NLGN1: variants seen among roughly 807,000 people sequenced by gnomAD.
NLGN1 encodes neuroligin 1, also known as neuroligin-1.
In NLGN1, 12 loss-of-function variants were observed where a neutral mutation model predicts 65.5. That is an observed-to-expected ratio of 0.18 (90% CI 0.12 to 0.30). The LOEUF (loss-of-function observed/expected upper bound fraction) is 0.30. NLGN1 is among the 10% of genes least tolerant of loss of function. NLGN1 has a pLI of 1.00. For synonymous variants in NLGN1, 350 were observed against 359.5 expected, an observed-to-expected ratio of 0.97 and a Z score of 0.30; for missense variants, 750 against 1,007.1, an observed-to-expected ratio of 0.74 and a Z score of 3.46.
At chr3:173,962,238 G>A (rs1266379290) in intron 4 of NLGN1, among the ~76,000 whole-genome samples, 1 of 152,064 alleles carries the variant, frequency 6.6e-6, no homozygotes, top group Non-Finnish European at 1.5e-5. Flanking sequence ...AGCTTAGCCT[G>A]CATATTAGGT....
intron 2 of NLGN1, among the ~76,000 whole-genome samples, chr3:173,595,014 C>A (rs1456571998): frequency 1.3e-5 from 2 of 152,184 alleles, no homozygotes; most frequent in Admixed American, 6.5e-5. Flanking sequence ...GCCTCCAAGC[C>A]TGTGATGGGA....
chr3:174,087,637 G>A (rs1399023494), intron 4 of NLGN1, among the ~76,000 whole-genome samples: 1 of 152,038 alleles, frequency 6.6e-6, no homozygotes, highest in East Asian at 1.9e-4. Context: ...TCATGACTGT[G>A]TATCCTGGCC....
At chr3:173,670,645 G>A (rs906477611) in intron 3 of NLGN1, among the ~76,000 whole-genome samples, 3 of 152,080 alleles carry the variant, frequency 2.0e-5, no homozygotes, top group Non-Finnish European at 2.9e-5. Context: ...TTGAACTAAT[G>A]CGTGGTTCAG....
intron 4 of NLGN1, among the ~76,000 whole-genome samples, chr3:174,011,103 AG>A (rs2152441181): frequency 6.6e-6 from 1 of 152,230 alleles, no homozygotes; most frequent in East Asian, 1.9e-4. Context: ...GATAAAGTAA[AG>A]GTAACTGTTT....
At chr3:173,869,815 C>T (rs979264588) in intron 4 of NLGN1, among the ~76,000 whole-genome samples, 3 of 152,134 alleles carry the variant, frequency 2.0e-5, no homozygotes, top group Non-Finnish European at 2.9e-5. Flanking sequence ...AATTCATTGT[C>T]TCTTTGACTG....
At chr3:173,449,189 T>C (rs1258556233) in intron 2 of NLGN1, among the ~76,000 whole-genome samples, 2 of 152,152 alleles carry the variant, frequency 1.3e-5, no homozygotes, top group Non-Finnish European at 2.9e-5. Context: ...TGCTTTCTCT[T>C]GTGGGCATTT....
intron 4 of NLGN1, among the ~76,000 whole-genome samples, chr3:174,126,257 T>C (rs1718919742): frequency 6.6e-6 from 1 of 152,138 alleles, no homozygotes; most frequent in Non-Finnish European, 1.5e-5. Flanking sequence ...TATTTTCTTA[T>C]TGCTTTATGT....
At chr3:173,930,905 T>C (rs183520195) in intron 4 of NLGN1, among the ~76,000 whole-genome samples, 1 of 152,212 alleles carries the variant, frequency 6.6e-6, no homozygotes, top group Admixed American at 6.5e-5. Context: ...AGCTCTCTGA[T>C]GTTGTTTCTT....
In NLGN1 at chr3:173,649,964, C is replaced by A. The variant is rs192416418; in HGVS notation, c.493+44873C>A. ...TCTTTTCACTTACCATTTCCATTTACCTCATAAAAGGATACTATATTCTTA... is the reference window on the plus strand; with the variant it reads ...TCTTTTCACTTACCATTTCCATTTAACTCATAAAAGGATACTATATTCTTA... On this transcript the variant is annotated intron_variant, in intron 3 of 6. Coordinates refer to ENST00000457714, the Ensembl canonical transcript of NLGN1. Among the ~76,000 whole-genome samples, 132 of 152,084 alleles carry A rather than the reference C, an allele frequency of 8.7e-4. 1 individual carries two copies. Among genetic ancestry groups the A allele is most frequent in the Non-Finnish European group, 1.6e-3 (111 of 67,912 alleles).
intron 2 of NLGN1, among the ~76,000 whole-genome samples, chr3:173,484,993 G>T (rs1727927080): frequency 6.6e-6 from 1 of 151,726 alleles, no homozygotes; most frequent in South Asian, 2.1e-4. Flanking sequence ...ACTTACTCAA[G>T]ACTGAGCAAT....
chr3:173,613,109 A>G (rs1239737980), intron 3 of NLGN1, among the ~76,000 whole-genome samples: 2 of 152,162 alleles, frequency 1.3e-5, no homozygotes, highest in Non-Finnish European at 2.9e-5. Context: ...GGGAGACACA[A>G]TTCAACCTAT....
intron 3 of NLGN1, among the ~76,000 whole-genome samples, chr3:173,607,459 C>G (rs1383922015): frequency 6.6e-6 from 1 of 151,660 alleles, no homozygotes; most frequent in African/African-American, 2.4e-5. Context: ...GCTCTTTGTA[C>G]ATTATCCTAA....
At chr3:173,865,586 A>T (rs902632947) in intron 4 of NLGN1, among the ~76,000 whole-genome samples, 2 of 152,190 alleles carry the variant, frequency 1.3e-5, no homozygotes, top group African/African-American at 4.8e-5. Flanking sequence ...TTTTAAAAAA[A>T]CAACAAAGAA....
chr3:173,538,767 C>T (rs1395318411), intron 2 of NLGN1, among the ~76,000 whole-genome samples: 1 of 152,090 alleles, frequency 6.6e-6, no homozygotes, highest in East Asian at 1.9e-4. Flanking sequence ...CGGAAAGAAG[C>T]CGTCTGGAAT....
exon 4 of NLGN1, chr3:173,807,700 C>G: frequency 1.9e-6 from 3 of 1,613,518 alleles, no homozygotes; most frequent in Non-Finnish European, 2.5e-6. Flanking sequence ...CAGTGGGGGT[C>G]CCAAACCAGT....
chr3:173,539,347 A>G (rs1056461156), intron 2 of NLGN1, among the ~76,000 whole-genome samples: 1 of 150,238 alleles, frequency 6.7e-6, no homozygotes, highest in Non-Finnish European at 1.5e-5. Context: ...TTGTGCTTTC[A>G]GGATCTGTTT....
chr3:173,787,858 G>A (rs1236363962), intron 3 of NLGN1, among the ~76,000 whole-genome samples: 1 of 152,170 alleles, frequency 6.6e-6, no homozygotes, highest in Non-Finnish European at 1.5e-5. Context: ...TTATGCTCAA[G>A]CAATTGCTTC....
chr3:173,689,264 A>T (rs1464613699), intron 3 of NLGN1, among the ~76,000 whole-genome samples: 1 of 152,094 alleles, frequency 6.6e-6, no homozygotes, highest in Non-Finnish European at 1.5e-5. Context: ...CCCTCTGACT[A>T]CTTTTGCTTC....
At chr3:173,620,459 T>C (rs16848070) in intron 3 of NLGN1, among the ~76,000 whole-genome samples, 140,250 of 152,004 alleles carry the variant, frequency 0.92, 64,737 homozygotes, top group South Asian at 0.97. Context: ...GTTTCTTCAC[T>C]GGAACTCAAG....
Sources: gnomAD v4.1 joint callset for allele counts (sites outside exome capture counted in the v4.1 genomes callset) on GRCh38, gnomAD v4.1.1 for gene constraint, MANE v1.5 for transcripts, NCBI Gene and HGNC (gene_info 2026-07-23, HGNC 2026-07-21) for gene names.